The following NUDCD1 variants were observed in gnomAD, a reference collection of about 807,000 sequenced individuals.
NUDCD1 encodes NudC domain containing 1, also known as nudC domain-containing protein 1.
In NUDCD1, 60 loss-of-function variants were observed where a neutral mutation model predicts 67.8. That is an observed-to-expected ratio of 0.88 (90% CI 0.72 to 1.10). The LOEUF (loss-of-function observed/expected upper bound fraction) is 1.10, where lower values mean the gene tolerates loss of function less well. NUDCD1 is among the 50% of genes least tolerant of loss of function. The pLI is 0.00. For missense variants in NUDCD1, 643 were observed against 695.0 expected (o/e 0.93, Z 0.84); for synonymous variants, 244 against 230.8 (o/e 1.06, Z -0.52).
intron 6 of NUDCD1, 80 bp downstream of exon 6, chr8:109,280,888 C>G: frequency 1.6e-6 from 1 of 633,368 alleles, no homozygotes; most frequent in Non-Finnish European, 2.6e-6. Flanking sequence ...GTATTAATCT[C>G]TGATGTAACC....
intron 2 of NUDCD1, among the ~76,000 whole-genome samples, chr8:109,297,661 T>C (rs1489843857): frequency 1.3e-5 from 2 of 152,240 alleles, no homozygotes; most frequent in African/African-American, 4.8e-5. Context: ...GATCTTGGAA[T>C]TCTCAGCTCC....
chr8:109,313,660 G>A (rs1815314816), intron 2 of NUDCD1: 2 of 353,236 alleles, frequency 5.7e-6, no homozygotes, highest in Non-Finnish European at 1.1e-5. Context: ...GTTTCTAGTT[G>A]TGTCTACTAC....
intron 2 of NUDCD1, among the ~76,000 whole-genome samples, chr8:109,313,243 G>C (rs1815297800): frequency 6.6e-6 from 1 of 152,152 alleles, no homozygotes; most frequent in African/African-American, 2.4e-5. Flanking sequence ...TGTCTGGAGA[G>C]CATTGGCAGG....
intron 2 of NUDCD1, among the ~76,000 whole-genome samples, chr8:109,321,474 A>G (rs756178868): frequency 6.6e-6 from 1 of 152,194 alleles, no homozygotes; most frequent in Non-Finnish European, 1.5e-5. Flanking sequence ...AGGTTTAAAT[A>G]AAAAGCCAAA....
At chr8:109,317,373 T>C (rs1815424628) in intron 2 of NUDCD1, among the ~76,000 whole-genome samples, 1 of 152,128 alleles carries the variant, frequency 6.6e-6, no homozygotes, top group South Asian at 2.1e-4. Context: ...TATCCGTCTC[T>C]ATTAACAAGA....
chr8:109,287,258 C>T (rs2130006367), intron 5 of NUDCD1, among the ~76,000 whole-genome samples: 1 of 152,220 alleles, frequency 6.6e-6, no homozygotes, highest in East Asian at 1.9e-4. Flanking sequence ...AACAGAACTA[C>T]AATTCAACCC....
intron 2 of NUDCD1, among the ~76,000 whole-genome samples, chr8:109,304,890 C>T (rs1815068314): frequency 6.6e-6 from 1 of 152,186 alleles, no homozygotes; most frequent in African/African-American, 2.4e-5. Flanking sequence ...AAACTTCCAC[C>T]TATCAATCCC....
At chr8:109,279,394 ATCT>A (rs1563669369) in intron 6 of NUDCD1, among the ~76,000 whole-genome samples, 2 of 152,258 alleles carry the variant, frequency 1.3e-5, no homozygotes, top group Admixed American at 6.5e-5. Flanking sequence ...CTGTTCATCT[ATCT>A]TCTATTGTGA....
intron 8 of NUDCD1, among the ~76,000 whole-genome samples, chr8:109,261,489 C>A (rs192234556): frequency 1.5e-4 from 23 of 152,176 alleles, no homozygotes; most frequent in African/African-American, 5.3e-4. Context: ...GATTATGATT[C>A]CATTCATAGA....
intron 9 of NUDCD1, among the ~76,000 whole-genome samples, chr8:109,244,737 A>G (rs760923593): frequency 2.0e-5 from 3 of 152,164 alleles, no homozygotes; most frequent in Non-Finnish European, 2.9e-5. Context: ...AAAATCAATG[A>G]TTGCATACGT....
At chr8:109,271,872 A>C (rs894702699) in intron 7 of NUDCD1, among the ~76,000 whole-genome samples, 95 of 152,180 alleles carry the variant, frequency 6.2e-4, no homozygotes, top group African/African-American at 2.3e-3. Context: ...GCCGGAATAC[A>C]ATGGTGGATA....
chr8:109,296,909 T>C (rs1032309127), intron 2 of NUDCD1, among the ~76,000 whole-genome samples: 5 of 152,240 alleles, frequency 3.3e-5, no homozygotes, highest in Admixed American at 6.5e-5. Flanking sequence ...ATGATGGCTC[T>C]TGCCAACAAT....
At chr8:109,329,679 G>A (rs1175414389) in intron 1 of NUDCD1, 1 of 784,652 alleles carries the variant, frequency 1.3e-6, no homozygotes. Context: ...TGATTGTGGT[G>A]ATGATTTCAC....
intron 4 of NUDCD1, 122 bp from the exon 5 acceptor site, chr8:109,290,055 C>T: frequency 4.2e-6 from 2 of 481,912 alleles, no homozygotes; most frequent in Non-Finnish European, 7.1e-6. Flanking sequence ...AAAAGGTACA[C>T]TATTAAGAGT....
chr8:109,306,195 ACTAGCCC>A (rs2130078031), intron 2 of NUDCD1, among the ~76,000 whole-genome samples: 1 of 152,296 alleles, frequency 6.6e-6, no homozygotes, highest in Admixed American at 6.5e-5. Flanking sequence ...ATCCTCTGGT[ACTAGCCC>A]CAATCCACCA....
chr8:109,244,551 T>C (rs1365508311), intron 9 of NUDCD1, among the ~76,000 whole-genome samples: 2 of 152,182 alleles, frequency 1.3e-5, no homozygotes, highest in African/African-American at 2.4e-5. Flanking sequence ...CCTACATTAT[T>C]AACTATAAGG....
chr8:109,245,440 C>T lies in NUDCD1; in HGVS notation c.1341G>A (p.Val447=). The T allele has an allele frequency of 6.2e-7, 1 of 1,613,436 alleles. No individual in the cohort carries two copies. The highest frequency in any genetic ancestry group is 2.2e-5 in the East Asian group (1 of 44,834). The change falls in exon 9 of 10, where the codon GTG becomes GTA. Residue 447 remains valine (V), a synonymous_variant. Coordinates refer to ENST00000239690, the MANE Select transcript of NUDCD1 (RefSeq NM_032869.4). ...AGAAGCAGGGCATTTCTTTAGGATC[C>T]ACTATGACAGAGAAAAGGTACTGGT... ...GSNQYLFSVI[V]DPKEMPCFCL...
Position 109,275,423 on chromosome 8 carries a change from C to T in NUDCD1, c.1102G>A (p.Glu368Lys), listed in dbSNP as rs747939774. Residue 368 changes from glutamate to lysine, a missense_variant, in exon 7 of 10, where the codon GAA becomes AAA. Coordinates refer to ENST00000239690, the MANE Select transcript of NUDCD1 (RefSeq NM_032869.4). ...PELVIGDKQGELIRDSAQCAA... is the reference protein window; with the variant it reads ...PELVIGDKQGKLIRDSAQCAA... ...CACTGGGCTGAATCTCTTATAAGTT[C>T]CCCTTGTTTATCTCCAATTACTAGC... 22 of 1,613,596 alleles carry T rather than the reference C, an allele frequency of 1.4e-5. No individual in the cohort carries two copies. The highest frequency in any genetic ancestry group is 1.8e-5 in the Non-Finnish European group (21 of 1,179,734).
At chr8:109,277,446 T>G (rs959265183) in intron 6 of NUDCD1, among the ~76,000 whole-genome samples, 7 of 151,248 alleles carry the variant, frequency 4.6e-5, no homozygotes, top group Admixed American at 3.3e-4. Flanking sequence ...AAACTAGTAT[T>G]GTATGCTACC....
Sources: allele counts gnomAD v4.1 joint callset (sites outside exome capture counted in the v4.1 genomes callset), GRCh38; gene constraint gnomAD v4.1.1; transcripts MANE v1.5; gene names NCBI Gene and HGNC (gene_info 2026-07-23, HGNC 2026-07-21).